Variants in SPIDR observed in about 807,000 individuals in gnomAD.
SPIDR encodes DNA repair-scaffolding protein.
In SPIDR, 93 loss-of-function variants were observed where a neutral mutation model predicts 104.6. That is an observed-to-expected ratio of 0.89 (90% CI 0.75 to 1.06). The LOEUF (loss-of-function observed/expected upper bound fraction) is 1.06, where lower values mean the gene tolerates loss of function less well. Ranked by LOEUF, SPIDR falls within the 50% of genes least tolerant of loss-of-function variation. SPIDR has a pLI of 0.00. For synonymous variants in SPIDR, 431 were observed against 416.9 expected, an observed-to-expected ratio of 1.03 and a Z score of -0.41; for missense variants, 1,154 against 1,111.2, an observed-to-expected ratio of 1.04 and a Z score of -0.55.
chr8:47,504,186 T>G (rs1278548348), intron 8 of SPIDR, among the ~76,000 whole-genome samples: 1 of 152,198 alleles, frequency 6.6e-6, no homozygotes, highest in Non-Finnish European at 1.5e-5. Context: ...TGGCCTGCCT[T>G]GCTAGATTGG....
intron 11 of SPIDR, among the ~76,000 whole-genome samples, chr8:47,699,330 C>CA (rs1370932733): frequency 6.6e-6 from 1 of 152,202 alleles, no homozygotes; most frequent in African/African-American, 2.4e-5. Flanking sequence ...AGGGCTGACA[C>CA]AAGGTCCAAG....
At chr8:47,340,058 A>G (rs570351528) in intron 5 of SPIDR, among the ~76,000 whole-genome samples, 44 of 152,272 alleles carry the variant, frequency 2.9e-4, no homozygotes, top group South Asian at 6.2e-4. Flanking sequence ...TTATAGATGT[A>G]GTATAATTTT....
At chr8:47,540,409 A>T (rs533841248) in intron 8 of SPIDR, among the ~76,000 whole-genome samples, 18 of 152,372 alleles carry the variant, frequency 1.2e-4, no homozygotes, top group Admixed American at 3.3e-4. Context: ...CTGTTACTAC[A>T]GGATGATATT....
intron 11 of SPIDR, among the ~76,000 whole-genome samples, chr8:47,684,519 C>T (rs1465971598): frequency 6.6e-6 from 1 of 152,188 alleles, no homozygotes; most frequent in Non-Finnish European, 1.5e-5. Flanking sequence ...GTACTAATCC[C>T]ATCCTTAGTT....
At chr8:47,339,950 A>G (rs1348162823) in intron 5 of SPIDR, among the ~76,000 whole-genome samples, 1 of 151,966 alleles carries the variant, frequency 6.6e-6, no homozygotes, top group African/African-American at 2.4e-5. Flanking sequence ...AACTGCTGGG[A>G]TTACAGGCGT....
At chr8:47,481,088 G>C (rs1329334943) in intron 8 of SPIDR, among the ~76,000 whole-genome samples, 3 of 152,220 alleles carry the variant, frequency 2.0e-5, no homozygotes, top group Admixed American at 6.5e-5. Context: ...GACAGCACAG[G>C]AATCACCGCT....
intron 7 of SPIDR, among the ~76,000 whole-genome samples, chr8:47,437,355 G>A (rs1157577821): frequency 6.6e-6 from 1 of 150,452 alleles, no homozygotes; most frequent in East Asian, 2.0e-4. Context: ...TTGGTTTTTT[G>A]TTCTTGCGAT....
intron 7 of SPIDR, among the ~76,000 whole-genome samples, chr8:47,412,303 C>G (rs2063646321): frequency 6.6e-6 from 1 of 152,132 alleles, no homozygotes; most frequent in African/African-American, 2.4e-5. Flanking sequence ...AATGTTCTTC[C>G]ATTTGTTATT....
intron 8 of SPIDR, among the ~76,000 whole-genome samples, chr8:47,540,171 G>A (rs1260358918): frequency 6.6e-6 from 1 of 152,138 alleles, no homozygotes; most frequent in African/African-American, 2.4e-5. Flanking sequence ...TCATAAGAAG[G>A]TTATAAGGCT....
In SPIDR at chr8:47,635,000, T is replaced by C. The variant is rs1343814292; in HGVS notation, c.1544+35804T>C. Among the ~76,000 whole-genome samples, 2 of 152,164 alleles carry C rather than the reference T, an allele frequency of 1.3e-5. 1 individual carries two copies. Among genetic ancestry groups the C allele is most frequent in the African/African-American group, 4.8e-5 (2 of 41,420 alleles). Reference sequence around the variant, plus strand: ...GATCAAGTAACACTTTTCTTGAAAATGGAGTCCTAAAGTTTGCTGTGTTGT... The same window carrying C: ...GATCAAGTAACACTTTTCTTGAAAACGGAGTCCTAAAGTTTGCTGTGTTGT... On this transcript the variant is annotated intron_variant, in intron 10 of 19. Coordinates refer to ENST00000297423, the MANE Select transcript of SPIDR (RefSeq NM_001080394.4).
intron 8 of SPIDR, among the ~76,000 whole-genome samples, chr8:47,571,846 A>T (rs1420638006): frequency 6.6e-6 from 1 of 152,216 alleles, no homozygotes; most frequent in African/African-American, 2.4e-5. Context: ...GTCTCCTAAA[A>T]TATCTTATTG....
At chr8:47,712,569 A>C in intron 14 of SPIDR, 93 bp from the exon 15 acceptor site, 4 of 1,299,070 alleles carry the variant, frequency 3.1e-6, no homozygotes, top group Non-Finnish European at 4.3e-6. Context: ...ATAATATCTT[A>C]AATTGTTAGT....
rs180722955 is a variant in SPIDR, at chr8:47,515,947, C to A, written c.1097+75405C>A. Among the ~76,000 whole-genome samples, 157 of 152,278 alleles carry A rather than the reference C, an allele frequency of 1.0e-3. 1 individual carries two copies. Among genetic ancestry groups the A allele is most frequent in the Admixed American group, 5.0e-3 (77 of 15,304 alleles). On this transcript the variant is annotated intron_variant, in intron 8 of 19. Transcript: ENST00000297423. ...GCCTCAGCCTCCTGAGTAGCTGGGA[C>A]TACAGGCGCTCACCACCACACCAGC... is the stretch of plus-strand genomic sequence containing the variant.
At chr8:47,493,287 A>C (rs1183302800) in intron 8 of SPIDR, among the ~76,000 whole-genome samples, 1 of 152,198 alleles carries the variant, frequency 6.6e-6, no homozygotes, top group Non-Finnish European at 1.5e-5. Context: ...TATATTCCAT[A>C]TAGGTTTGAT....
intron 8 of SPIDR, among the ~76,000 whole-genome samples, chr8:47,521,118 C>T (rs1296143276): frequency 2.0e-5 from 3 of 152,154 alleles, no homozygotes; most frequent in Middle Eastern, 3.2e-3. Flanking sequence ...TGGGGTGATA[C>T]GTCACAAAGA....
chr8:47,323,038 T>C (rs935735793), intron 5 of SPIDR, among the ~76,000 whole-genome samples: 1 of 151,250 alleles, frequency 6.6e-6, no homozygotes, highest in Non-Finnish European at 1.5e-5. Context: ...TGTATACATA[T>C]GTAACTAACC....
intron 8 of SPIDR, among the ~76,000 whole-genome samples, chr8:47,590,433 A>T (rs1039658257): frequency 2.6e-5 from 4 of 152,070 alleles, no homozygotes; most frequent in Non-Finnish European, 5.9e-5. Context: ...TGACCCTTGG[A>T]TTATTTAGAA....
At chr8:47,460,565 GT>G (rs2073774758) in intron 8 of SPIDR, among the ~76,000 whole-genome samples, 1 of 152,058 alleles carries the variant, frequency 6.6e-6, no homozygotes, top group Non-Finnish European at 1.5e-5. Flanking sequence ...TATGTGTTAG[GT>G]AAGTCTCTTG....
chr8:47,534,202 G>A (rs531243892), intron 8 of SPIDR, among the ~76,000 whole-genome samples: 27 of 152,292 alleles, frequency 1.8e-4, no homozygotes, highest in African/African-American at 6.3e-4. Flanking sequence ...ACTGTGAGTC[G>A]ATTAAACCTC....
Sources: gnomAD v4.1 joint callset for allele counts (sites outside exome capture counted in the v4.1 genomes callset) on GRCh38, gnomAD v4.1.1 for gene constraint, MANE v1.5 for transcripts, NCBI Gene and HGNC (gene_info 2026-07-23, HGNC 2026-07-21) for gene names.